The following ORC5 variants were observed in gnomAD, a reference collection of about 807,000 sequenced individuals.
The protein encoded by ORC5 is origin recognition complex subunit 5, also known as protein phosphatase 1, regulatory subunit 117.
A neutral mutation model predicts 58.8 loss-of-function variants in ORC5; 39 were observed. The observed-to-expected ratio is 0.66, with a 90% CI of 0.51 to 0.87. The LOEUF (loss-of-function observed/expected upper bound fraction) is 0.87, where lower values mean the gene tolerates loss of function less well. Ranked by LOEUF, ORC5 falls within the 40% of genes least tolerant of loss-of-function variation. ORC5 has a pLI of 0.00. For synonymous variants in ORC5, 218 were observed against 177.6 expected, an observed-to-expected ratio of 1.23 and a Z score of -1.81; for missense variants, 493 against 506.3, an observed-to-expected ratio of 0.97 and a Z score of 0.25.
rs897732500 is a variant in ORC5, at chr7:104,136,107, A to C, written c.1262+674T>G. 6.6e-6 allele frequency among the ~76,000 whole-genome samples: 1 copy of C among 152,176 alleles called. No homozygotes were observed. The highest frequency in any genetic ancestry group is 2.4e-5 in the African/African-American group (1 of 41,444). Reference sequence around the variant, plus strand: ...TGTACTTTCTTCCCCAGAACTTCTAACATTCTAGAATTACTCAGAATTAGC... The same window carrying C: ...TGTACTTTCTTCCCCAGAACTTCTACCATTCTAGAATTACTCAGAATTAGC... On this transcript the variant is annotated intron_variant, in intron 13 of 13. Coordinates refer to ENST00000297431, the MANE Select transcript of ORC5 (RefSeq NM_002553.4). The surrounding 1 kb of genome is among the most constrained non-coding windows in gnomAD (Gnocchi z 4.2).
At chr7:104,207,448 A>C (rs930599773) in intron 1 of ORC5, among the ~76,000 whole-genome samples, 1 of 152,326 alleles carries the variant, frequency 6.6e-6, no homozygotes, top group South Asian at 2.1e-4. Context: ...ACTCACTCCA[A>C]CTACCGCACA....
Position 104,184,494 on chromosome 7 carries a change from T to C in ORC5, c.685-323A>G, listed in dbSNP as rs117174769. 1.3e-3 allele frequency: 313 copies of C among 238,002 alleles called. 1 individual carries two copies. Among genetic ancestry groups the C allele is most frequent in the Non-Finnish European group, 2.1e-3 (259 of 123,818 alleles). The allele number at this position is 238,002 out of a possible 1,614,324, so 14.7% of individuals were successfully genotyped here. A position where few individuals can be genotyped will look rare whatever the true frequency, so the allele number is the denominator to read the frequency against. ...AAAATGTAATTGTAGCTTATTACTA[T>C]AATAACAAAACAGCAAAAATACTAA... On this transcript the variant is annotated intron_variant, in intron 6 of 13. Transcript: ENST00000297431.
At chr7:104,188,143 C>G (rs1799589427) in intron 6 of ORC5, 108 bp downstream of exon 6, 1 of 979,836 alleles carries the variant, frequency 1.0e-6, no homozygotes, top group Non-Finnish European at 1.4e-6. Flanking sequence ...TAACCTATCT[C>G]ATACCATTTC....
chr7:104,166,534 T>C lies in ORC5; in HGVS notation c.990+238A>G, dbSNP rs140646011. On this transcript the variant is annotated intron_variant, in intron 10 of 13. Transcript: ENST00000297431. ...ACTTTAAACAAAACCCTATGTATTT[T>C]TTAAATCTGAATTATTACCTAAGGT... Among the ~76,000 whole-genome samples the C allele has an allele frequency of 6.2e-4, 95 of 152,362 alleles. 2 individuals carry two copies. The Middle Eastern group carries it at 0.014, about 22-fold the overall frequency.
intron 2 of ORC5, among the ~76,000 whole-genome samples, chr7:104,202,050 A>G (rs73415735): frequency 0.11 from 16,758 of 152,214 alleles, 1,617 homozygotes; most frequent in African/African-American, 0.26. Context: ...TGATCATAAC[A>G]CTGCACTCCA....
At chr7:104,207,740 C>G in intron 1 of ORC5, 93 bp downstream of exon 1, 1 of 1,257,140 alleles carries the variant, frequency 8.0e-7, no homozygotes, top group South Asian at 1.2e-5. Flanking sequence ...TTTTGGCCCT[C>G]AATCCAAACA....
chr7:104,151,033 A>G (rs1034033261), intron 12 of ORC5, among the ~76,000 whole-genome samples: 4 of 152,232 alleles, frequency 2.6e-5, no homozygotes, highest in African/African-American at 9.6e-5. Flanking sequence ...GGGAAAGTAC[A>G]TGCAACAATA....
At chr7:104,183,222 C>G (rs57559980) in intron 8 of ORC5, among the ~76,000 whole-genome samples, 6,758 of 152,166 alleles carry the variant, frequency 0.044, 490 homozygotes, top group African/African-American at 0.15. Context: ...CTATGGAACA[C>G]ACAAAATTAA....
intron 5 of ORC5, among the ~76,000 whole-genome samples, chr7:104,188,647 T>C (rs1369073960): frequency 6.6e-6 from 1 of 152,180 alleles, no homozygotes; most frequent in Non-Finnish European, 1.5e-5. Flanking sequence ...GGAGTATCTT[T>C]TGTTACTCAT....
intron 12 of ORC5, among the ~76,000 whole-genome samples, chr7:104,144,608 T>C (rs1429657811): frequency 2.0e-5 from 3 of 152,084 alleles, no homozygotes; most frequent in Non-Finnish European, 4.4e-5. Flanking sequence ...ATACAAAAAA[T>C]TAGCCGGTCG....
At chr7:104,142,011 A>C (rs1798681510) in intron 12 of ORC5, among the ~76,000 whole-genome samples, 1 of 152,168 alleles carries the variant, frequency 6.6e-6, no homozygotes, top group African/African-American at 2.4e-5. Context: ...AAACTACAGT[A>C]ATCAAAACAG....
At chr7:104,161,334 T>C in intron 11 of ORC5, 152 bp from the exon 12 acceptor site, 1 of 558,904 alleles carries the variant, frequency 1.8e-6, no homozygotes. Context: ...AAGTTAAAAG[T>C]TTAACTGATA....
chr7:104,158,181 C>CAGA (rs1489218741), intron 12 of ORC5, among the ~76,000 whole-genome samples: 23 of 152,084 alleles, frequency 1.5e-4, no homozygotes, highest in African/African-American at 5.3e-4. Context: ...TGATCTCTTT[C>CAGA]TGCTCTAAAC....
At chr7:104,145,761 G>A (rs1308785539) in intron 12 of ORC5, among the ~76,000 whole-genome samples, 1 of 152,082 alleles carries the variant, frequency 6.6e-6, no homozygotes, top group East Asian at 1.9e-4. Flanking sequence ...TAGGGCTACA[G>A]AAACAATATA....
At chr7:104,164,181 A>G (rs1442784712) in intron 11 of ORC5, among the ~76,000 whole-genome samples, 1 of 152,184 alleles carries the variant, frequency 6.6e-6, no homozygotes, top group Non-Finnish European at 1.5e-5. Flanking sequence ...GCACTTTGGA[A>G]GGCTGAGAGG....
chr7:104,150,844 T>C (rs878874621), intron 12 of ORC5, among the ~76,000 whole-genome samples: 1 of 134,146 alleles, frequency 7.5e-6, no homozygotes, highest in Non-Finnish European at 1.8e-5. Flanking sequence ...GACAAACACA[T>C]AAAATGGTAA....
intron 9 of ORC5, 36 bp downstream of exon 9, chr7:104,168,437 T>G: frequency 6.2e-7 from 1 of 1,602,180 alleles, no homozygotes; most frequent in East Asian, 2.3e-5. Context: ...GCTGAAGAAG[T>G]ATCTCCGGTA....
intron 4 of ORC5, among the ~76,000 whole-genome samples, chr7:104,195,566 TC>T (rs1554357710): frequency 6.6e-6 from 1 of 152,182 alleles, no homozygotes; most frequent in Non-Finnish European, 1.5e-5. Flanking sequence ...AAATTCTGTA[TC>T]TTTTATAAAG....
chr7:104,203,638 T>C (rs989239326), intron 2 of ORC5, among the ~76,000 whole-genome samples: 1 of 152,224 alleles, frequency 6.6e-6, no homozygotes, highest in Non-Finnish European at 1.5e-5. Flanking sequence ...AAAAGGAACA[T>C]GAGTCTGCCA....
Sources: allele counts gnomAD v4.1 joint callset (sites outside exome capture counted in the v4.1 genomes callset), GRCh38; gene constraint gnomAD v4.1.1; non-coding constraint Gnocchi (gnomAD v3.1); transcripts MANE v1.5; gene names NCBI Gene and HGNC (gene_info 2026-07-23, HGNC 2026-07-21).